The following CAMK4 variants were observed in gnomAD, a reference collection of about 807,000 sequenced individuals.
CAMK4 encodes calcium/calmodulin-dependent protein kinase type IV.
Under a neutral mutation model 44.9 loss-of-function variants are expected in CAMK4, and 22 were observed. The observed-to-expected ratio is 0.49, with a 90% CI of 0.35 to 0.70. The LOEUF (loss-of-function observed/expected upper bound fraction) is 0.70, where lower values mean the gene tolerates loss of function less well. Among genes scored for constraint, CAMK4 ranks in the 30% least tolerant of loss-of-function variants. The pLI, the probability that CAMK4 is intolerant of heterozygous loss-of-function variation, is 0.01. For missense variants in CAMK4, 498 were observed against 586.8 expected (o/e 0.85, Z 1.56); for synonymous variants, 218 against 215.4 (o/e 1.01, Z -0.11).
chr5:111,302,168 A>G (rs978241570), intron 1 of CAMK4: 2 of 152,178 alleles, frequency 1.3e-5, no homozygotes, highest in Non-Finnish European at 2.9e-5. Context: ...CTGTAAATTA[A>G]ACATTTTTGG....
chr5:111,461,852 C>G (rs1754656514), intron 7 of CAMK4, among the ~76,000 whole-genome samples: 1 of 142,148 alleles, frequency 7.0e-6, no homozygotes, highest in Non-Finnish European at 1.5e-5. Flanking sequence ...GCATTTGCCC[C>G]TAGCTCTAAT....
intron 1 of CAMK4, among the ~76,000 whole-genome samples, chr5:111,310,942 C>T (rs920842024): frequency 2.6e-5 from 4 of 152,062 alleles, no homozygotes; most frequent in African/African-American, 9.7e-5. Context: ...TTCACAGACA[C>T]ATAACAGATC....
At position 111,492,091 on chromosome 5, in the gene CAMK4, G is replaced by A. The variant is rs2112520685; in HGVS notation, c.*7625G>A. On this transcript the variant is annotated 3_prime_UTR_variant, in exon 11 of 11. Transcript: ENST00000282356. Reference sequence around the variant, plus strand: ...AAATCCAAGAAGGGCCCTTGTCTTAGTCTATTTCTGTCACAGAGAAATTGT... The same window carrying A: ...AAATCCAAGAAGGGCCCTTGTCTTAATCTATTTCTGTCACAGAGAAATTGT... 1 of 152,184 alleles carries A rather than the reference G, an allele frequency of 6.6e-6. No individual in the cohort carries two copies. The highest frequency in any genetic ancestry group is 2.4e-5 in the African/African-American group (1 of 41,544). 9.4% of individuals were successfully genotyped at this position (152,184 alleles called of 1,614,324 possible). A position where few individuals can be genotyped will look rare whatever the true frequency, so the allele number is the denominator to read the frequency against.
intron 1 of CAMK4, among the ~76,000 whole-genome samples, chr5:111,324,616 C>A (rs1424854735): frequency 2.6e-5 from 4 of 151,542 alleles, no homozygotes; most frequent in African/African-American, 4.9e-5. Flanking sequence ...GATTTTAACA[C>A]CCCCCTCTCA....
chr5:111,483,915 A>C, intron 10 of CAMK4, 111 bp from the exon 11 acceptor site: 1 of 747,670 alleles, frequency 1.3e-6, no homozygotes, highest in Non-Finnish European at 2.0e-6. Flanking sequence ...TACTTTGAAA[A>C]CTTTAACGCT....
At chr5:111,282,792 C>T (rs1156403435) in intron 1 of CAMK4, 1 of 152,196 alleles carries the variant, frequency 6.6e-6, no homozygotes, top group East Asian at 1.9e-4. Flanking sequence ...AAACCCATCA[C>T]AAATTGAAAG....
At chr5:111,436,001 G>T (rs1753632544) in intron 5 of CAMK4, among the ~76,000 whole-genome samples, 1 of 152,056 alleles carries the variant, frequency 6.6e-6, no homozygotes, top group Non-Finnish European at 1.5e-5. Context: ...TATCCTGTCA[G>T]CATGAAATTT....
At chr5:111,476,278 T>C (rs1755239996) in intron 8 of CAMK4, among the ~76,000 whole-genome samples, 1 of 151,462 alleles carries the variant, frequency 6.6e-6, no homozygotes, top group Non-Finnish European at 1.5e-5. Context: ...TGTTTGTGTG[T>C]GTGTGTGTGT....
rs1270385260 is a variant in CAMK4, at chr5:111,482,192, C to T, written c.829-593C>T. The T allele has an allele frequency of 1.3e-5, 2 of 152,156 alleles. No homozygotes were observed. Among genetic ancestry groups the T allele is most frequent in the African/African-American group, 4.8e-5 (2 of 41,440 alleles). The allele number at this position is 152,156 out of a possible 1,614,324, so 9.4% of individuals were successfully genotyped here. On this transcript the variant is annotated intron_variant, in intron 9 of 10. Coordinates refer to ENST00000282356, the MANE Select transcript of CAMK4 (RefSeq NM_001744.6). The surrounding 1 kb of genome is among the most constrained non-coding windows in gnomAD (Gnocchi z 4.9). Reference sequence around the variant, plus strand: ...CATTGATTGGATTCCATTCTTTAGGCAAATCATGCCCTCAAGCCACTGACT... The same window carrying T: ...CATTGATTGGATTCCATTCTTTAGGTAAATCATGCCCTCAAGCCACTGACT...
chr5:111,429,777 C>CAAA (rs70973607), intron 5 of CAMK4, among the ~76,000 whole-genome samples: 1,057 of 26,330 alleles, frequency 0.04, 136 homozygotes, highest in East Asian at 0.067. Flanking sequence ...GACCTCATCT[C>CAAA]AAAAAAAAAA....
At chr5:111,318,692 A>C (rs1359248889) in intron 1 of CAMK4, among the ~76,000 whole-genome samples, 1 of 152,190 alleles carries the variant, frequency 6.6e-6, no homozygotes, top group African/African-American at 2.4e-5. Flanking sequence ...TTCTGGCCTT[A>C]ATGAAAGAAT....
At chr5:111,422,743 ATG>A (rs1753077271) in intron 5 of CAMK4, among the ~76,000 whole-genome samples, 1 of 152,200 alleles carries the variant, frequency 6.6e-6, no homozygotes, top group Non-Finnish European at 1.5e-5. Flanking sequence ...CTAAAGCTGA[ATG>A]TATGTATTTG....
intron 1 of CAMK4, among the ~76,000 whole-genome samples, chr5:111,264,552 A>T (rs973218966): frequency 3.3e-5 from 5 of 152,138 alleles, no homozygotes; most frequent in Non-Finnish European, 5.9e-5. Context: ...AGTCTTATTC[A>T]CTGCACTAAA....
intron 1 of CAMK4, among the ~76,000 whole-genome samples, chr5:111,312,592 T>C (rs1028759048): frequency 6.6e-6 from 1 of 152,126 alleles, no homozygotes; most frequent in Non-Finnish European, 1.5e-5. Context: ...TTCTTTCTTA[T>C]GGAATATTCT....
At chr5:111,232,190 A>C (rs1748505903) in intron 1 of CAMK4, among the ~76,000 whole-genome samples, 1 of 152,164 alleles carries the variant, frequency 6.6e-6, no homozygotes, top group Non-Finnish European at 1.5e-5. Context: ...AGCATGATAA[A>C]TCAATATTTG....
intron 7 of CAMK4, among the ~76,000 whole-genome samples, chr5:111,468,903 A>G (rs886649781): frequency 3.3e-5 from 5 of 151,816 alleles, no homozygotes; most frequent in Admixed American, 3.3e-4. Context: ...GCTTGAACCC[A>G]GGAGGCAGAG....
chr5:111,479,692 C>A (rs1755364730), intron 9 of CAMK4, among the ~76,000 whole-genome samples: 1 of 152,172 alleles, frequency 6.6e-6, no homozygotes, highest in Admixed American at 6.5e-5. Context: ...TTTCTTCAAG[C>A]ATTTCTTCCT....
At chr5:111,467,175 C>T (rs1311815735) in intron 7 of CAMK4, among the ~76,000 whole-genome samples, 1 of 151,966 alleles carries the variant, frequency 6.6e-6, no homozygotes, top group African/African-American at 2.4e-5. Context: ...TCACCTTATA[C>T]AAAAATCAAC....
intron 4 of CAMK4, among the ~76,000 whole-genome samples, chr5:111,377,458 A>C (rs979439434): frequency 8.2e-6 from 1 of 121,330 alleles, no homozygotes; most frequent in Non-Finnish European, 1.6e-5. Context: ...AATTATTGCC[A>C]ACTTTGGTTT....
Sources: gnomAD v4.1 joint callset for allele counts (sites outside exome capture counted in the v4.1 genomes callset) on GRCh38, gnomAD v4.1.1 for gene constraint, Gnocchi (gnomAD v3.1) non-coding constraint, MANE v1.5 for transcripts, NCBI Gene and HGNC (gene_info 2026-07-23, HGNC 2026-07-21) for gene names.